The following RNF130 variants were observed in gnomAD, a reference collection of about 807,000 sequenced individuals.
RNF130 encodes the protein E3 ubiquitin-protein ligase RNF130.
Under a neutral mutation model 44.6 loss-of-function variants are expected in RNF130, and 21 were observed. The ratio of observed to expected loss-of-function variants is 0.47; its 90% CI spans 0.33 to 0.68. The LOEUF (loss-of-function observed/expected upper bound fraction) is 0.68. Among genes scored for constraint, RNF130 ranks in the 30% least tolerant of loss-of-function variants. The probability of loss-of-function intolerance (pLI) is 0.02; values close to 1 mark genes in which losing one functional copy is unlikely to be tolerated. For synonymous variants in RNF130, 214 were observed against 210.4 expected (o/e 1.02, Z -0.15); for missense variants, 479 against 560.6 (o/e 0.85, Z 1.47).
At chr5:179,950,933 A>C (rs1309303896), downstream of RNF130, among the ~76,000 whole-genome samples, 1 of 152,240 alleles carries the variant, frequency 6.6e-6, no homozygotes, top group South Asian at 2.1e-4. Context: ...AGATGAAACC[A>C]GGTGGGGAGG....
At chr5:180,024,942 G>A (rs1008174766) in intron 2 of RNF130, among the ~76,000 whole-genome samples, 2 of 152,298 alleles carry the variant, frequency 1.3e-5, no homozygotes, top group East Asian at 1.9e-4. Context: ...CCATGCTGTC[G>A]CAGGCGCAGA....
chr5:180,043,699 C>T (rs900649780), intron 1 of RNF130, among the ~76,000 whole-genome samples: 3 of 151,626 alleles, frequency 2.0e-5, no homozygotes, highest in African/African-American at 7.3e-5. Context: ...TAAAGGAATC[C>T]CGCCCACTGA....
intron 1 of RNF130, among the ~76,000 whole-genome samples, chr5:180,061,066 C>T (rs1485868526): frequency 2.0e-5 from 1 of 50,388 alleles, no homozygotes; most frequent in South Asian, 9.2e-4. Context: ...GAGACTCCGT[C>T]TCAAAAAAAA....
At chr5:179,953,457 G>T (rs1250068856), downstream of RNF130, among the ~76,000 whole-genome samples, 1 of 152,114 alleles carries the variant, frequency 6.6e-6, no homozygotes, top group Non-Finnish European at 1.5e-5. Context: ...AGAATTCAGA[G>T]TCCAGACATA....
chr5:179,990,077 G>T (rs1763044656), intron 3 of RNF130, among the ~76,000 whole-genome samples: 1 of 152,098 alleles, frequency 6.6e-6, no homozygotes, highest in Non-Finnish European at 1.5e-5. Flanking sequence ...ACGAGAGATT[G>T]CAGAAATAAA....
intron 7 of RNF130, among the ~76,000 whole-genome samples, chr5:179,946,861 G>A (rs1323893986): frequency 6.6e-6 from 1 of 152,122 alleles, no homozygotes; most frequent in Non-Finnish European, 1.5e-5. Flanking sequence ...GCACCATAGG[G>A]GATCTTTTCA....
chr5:179,964,641 T>C (rs940406362), intron 7 of RNF130, among the ~76,000 whole-genome samples: 3 of 152,272 alleles, frequency 2.0e-5, no homozygotes, highest in African/African-American at 7.2e-5. Flanking sequence ...TGCAGAATTG[T>C]GTGTGCATAG....
chr5:179,924,472 G>A (rs1761678224), intron 7 of RNF130, among the ~76,000 whole-genome samples: 1 of 146,584 alleles, frequency 6.8e-6, no homozygotes, highest in East Asian at 2.0e-4. Context: ...TCCAGCCTGC[G>A]CAACAGAGCA....
chr5:180,059,718 T>G (rs1764927067), intron 1 of RNF130, among the ~76,000 whole-genome samples: 1 of 152,218 alleles, frequency 6.6e-6, no homozygotes, highest in South Asian at 2.1e-4. Flanking sequence ...AGGGTCCTGC[T>G]AAGCCTTAGA....
At chr5:180,063,967 T>C (rs934755251) in intron 1 of RNF130, among the ~76,000 whole-genome samples, 21 of 152,116 alleles carry the variant, frequency 1.4e-4, no homozygotes, top group African/African-American at 3.9e-4. Context: ...TTCTACCCAA[T>C]GGGGACAAAG....
chr5:180,024,028 C>G (rs1763932326), intron 2 of RNF130, among the ~76,000 whole-genome samples: 1 of 152,200 alleles, frequency 6.6e-6, no homozygotes, highest in African/African-American at 2.4e-5. Flanking sequence ...TCCCTGTGGT[C>G]TTCCTCCCAA....
chr5:180,060,544 A>G (rs867211045), intron 1 of RNF130, among the ~76,000 whole-genome samples: 1 of 152,210 alleles, frequency 6.6e-6, no homozygotes, highest in Non-Finnish European at 1.5e-5. Context: ...CCAGCAGCCT[A>G]GATTTTTACC....
At chr5:180,044,164 A>G (rs1038655188) in intron 1 of RNF130, among the ~76,000 whole-genome samples, 5 of 152,320 alleles carry the variant, frequency 3.3e-5, no homozygotes, top group Admixed American at 1.3e-4. Context: ...AAATTTGTCA[A>G]TAGCAATTCT....
chr5:180,002,307 C>T (rs1763362242), intron 3 of RNF130, among the ~76,000 whole-genome samples: 1 of 152,230 alleles, frequency 6.6e-6, no homozygotes, highest in African/African-American at 2.4e-5. Context: ...TCTGCTGGCC[C>T]CCGAGGAACA....
chr5:179,940,332 T>C (rs1025992762), intron 7 of RNF130, among the ~76,000 whole-genome samples: 9 of 152,038 alleles, frequency 5.9e-5, no homozygotes, highest in Admixed American at 6.6e-5. Flanking sequence ...GCGGTTCTCC[T>C]GCCTCAGCAT....
intron 1 of RNF130, among the ~76,000 whole-genome samples, chr5:180,054,103 T>G (rs1051702037): frequency 1.3e-5 from 2 of 152,138 alleles, no homozygotes; most frequent in Admixed American, 1.3e-4. Flanking sequence ...TGTGAGCCCC[T>G]GCGCCCGGCC....
intron 3 of RNF130, among the ~76,000 whole-genome samples, chr5:180,002,735 T>C (rs1337986214): frequency 2.0e-5 from 3 of 152,280 alleles, no homozygotes; most frequent in East Asian, 1.9e-4. Flanking sequence ...TTCCTTCCCA[T>C]CTCTATGTGG....
intron 1 of RNF130, among the ~76,000 whole-genome samples, chr5:180,069,783 G>T (rs1327947883): frequency 6.6e-6 from 1 of 152,148 alleles, no homozygotes; most frequent in Non-Finnish European, 1.5e-5. Context: ...CTACAATGCT[G>T]CCTCCCCACT....
intron 3 of RNF130, among the ~76,000 whole-genome samples, chr5:179,997,914 T>A (rs972683767): frequency 6.6e-6 from 1 of 151,414 alleles, no homozygotes; most frequent in African/African-American, 2.4e-5. Flanking sequence ...TGATCTCGGC[T>A]CACTGCAACC....
Sources: gnomAD v4.1 joint callset for allele counts (sites outside exome capture counted in the v4.1 genomes callset) on GRCh38, gnomAD v4.1.1 for gene constraint, MANE v1.5 for transcripts, NCBI Gene and HGNC (gene_info 2026-07-23, HGNC 2026-07-21) for gene names.